Variants in ADGRL3 observed in about 807,000 individuals in gnomAD.
The protein encoded by ADGRL3 is adhesion G protein-coupled receptor L3, also known as calcium-independent alpha-latrotoxin receptor 3.
Under a neutral mutation model 153.5 loss-of-function variants are expected in ADGRL3, and 62 were observed. The observed-to-expected ratio is 0.40, with a 90% CI of 0.33 to 0.50. The LOEUF (loss-of-function observed/expected upper bound fraction) is 0.50. Among genes scored for constraint, ADGRL3 ranks in the 20% least tolerant of loss-of-function variants. The probability of loss-of-function intolerance (pLI) is 0.47; values close to 1 mark genes in which losing one functional copy is unlikely to be tolerated. For synonymous variants in ADGRL3, 710 were observed against 672.5 expected, an observed-to-expected ratio of 1.06 and a Z score of -0.86; for missense variants, 1,641 against 1,859.4, an observed-to-expected ratio of 0.88 and a Z score of 2.16.
chr4:61,315,120 G>C (rs1377283221), intron 1 of ADGRL3, among the ~76,000 whole-genome samples: 2 of 152,170 alleles, frequency 1.3e-5, no homozygotes, highest in African/African-American at 4.8e-5. Context: ...AGTGAAATTT[G>C]TAATCACAGT....
chr4:61,335,207 G>T (rs2095651506), intron 1 of ADGRL3, among the ~76,000 whole-genome samples: 1 of 152,068 alleles, frequency 6.6e-6, no homozygotes, highest in African/African-American at 2.4e-5. Flanking sequence ...TCTTTAAGAA[G>T]AATTCATTTC....
At chr4:62,047,653 T>C (rs1437159188) in intron 25 of ADGRL3, among the ~76,000 whole-genome samples, 2 of 152,166 alleles carry the variant, frequency 1.3e-5, no homozygotes, top group Non-Finnish European at 2.9e-5. Context: ...TTCCTTTATA[T>C]TCTCTTTGGA....
chr4:61,201,481 G>A lies in ADGRL3; in HGVS notation c.-524G>A, dbSNP rs1393052237. On this transcript the variant is annotated 5_prime_UTR_variant, in exon 1 of 27. Transcript: ENST00000683033. ...GTGTGAAGCGAGGAACGTAAAGGAA[G>A]GCGAACATTTGGCTCTCTTTTTCCT... 1 of 152,276 alleles carries A rather than the reference G, an allele frequency of 6.6e-6. No individual in the cohort carries two copies. Among genetic ancestry groups the A allele is most frequent in the Non-Finnish European group, 1.5e-5 (1 of 68,096 alleles). The allele number at this position is 152,276 out of a possible 1,614,324, so 9.4% of individuals were successfully genotyped here.
chr4:61,910,955 AATTATT>A (rs200804605), intron 12 of ADGRL3, among the ~76,000 whole-genome samples: 4 of 151,516 alleles, frequency 2.6e-5, no homozygotes, highest in African/African-American at 4.8e-5. Context: ...ATTAGATATA[AATTATT>A]ATTATTATTA....
At chr4:61,431,965 T>G (rs192583591) in intron 2 of ADGRL3, among the ~76,000 whole-genome samples, 3 of 152,296 alleles carry the variant, frequency 2.0e-5, no homozygotes, top group Admixed American at 2.0e-4. Flanking sequence ...CAATATATAT[T>G]GTGTTCAGCA....
chr4:61,360,098 G>T (rs1460315993), intron 1 of ADGRL3, among the ~76,000 whole-genome samples: 1 of 152,060 alleles, frequency 6.6e-6, no homozygotes, highest in South Asian at 2.1e-4. Flanking sequence ...CAGAGTGAGG[G>T]TATTTCTTTC....
chr4:61,531,097 A>G (rs1411002297), intron 4 of ADGRL3, among the ~76,000 whole-genome samples: 1 of 152,204 alleles, frequency 6.6e-6, no homozygotes, highest in Non-Finnish European at 1.5e-5. Context: ...CCACCTATGA[A>G]AGAATGAAGT....
At chr4:62,031,754 C>G (rs1410517227) in intron 23 of ADGRL3, 144 bp downstream of exon 23, 5 of 567,648 alleles carry the variant, frequency 8.8e-6, no homozygotes, top group Non-Finnish European at 1.5e-5. Context: ...TAAAGCAAAA[C>G]AAACACAAAA....
At chr4:61,376,481 G>A (rs192537462) in intron 1 of ADGRL3, among the ~76,000 whole-genome samples, 5 of 151,940 alleles carry the variant, frequency 3.3e-5, no homozygotes, top group Admixed American at 1.3e-4. Context: ...CTTCCTGGAC[G>A]CCCACCAAGT....
rs374649604 is a variant in ADGRL3 at position 62,044,780 on chromosome 4, T to C, written c.3814+231T>C. ...AAGGAAATTAGAAAATAAAAAACTT[T>C]TTTTCCTAGTCATCTGCTGCTGCTA... On this transcript the variant is annotated intron_variant, in intron 25 of 26. Coordinates refer to ENST00000683033, the MANE Select transcript of ADGRL3 (RefSeq NM_001387552.1). 2.3e-4 allele frequency among the ~76,000 whole-genome samples: 35 copies of C among 152,200 alleles called. No individual in the cohort carries two copies. In the East Asian group the frequency reaches 5.4e-3, roughly 24 times the overall value.
intron 2 of ADGRL3, among the ~76,000 whole-genome samples, chr4:61,440,383 G>A (rs1011276831): frequency 9.2e-5 from 14 of 152,204 alleles, no homozygotes; most frequent in African/African-American, 2.6e-4. Flanking sequence ...TGGTTCTTGC[G>A]TTTTGACTAT....
intron 6 of ADGRL3, among the ~76,000 whole-genome samples, chr4:61,705,997 A>C (rs550576632): frequency 1.3e-5 from 2 of 152,308 alleles, no homozygotes; most frequent in East Asian, 3.9e-4. Flanking sequence ...ATGGTAAATA[A>C]GCATTGGCTT....
At chr4:61,356,087 GACT>G (rs1487442451) in intron 1 of ADGRL3, among the ~76,000 whole-genome samples, 1 of 151,976 alleles carries the variant, frequency 6.6e-6, no homozygotes, top group African/African-American at 2.4e-5. Context: ...ATACAAATTT[GACT>G]ACACCTTCGT....
chr4:61,800,089 T>C (rs1202239084), intron 8 of ADGRL3, among the ~76,000 whole-genome samples: 1 of 152,186 alleles, frequency 6.6e-6, no homozygotes, highest in Admixed American at 6.5e-5. Flanking sequence ...CTGGGACATG[T>C]GACTTTGATT....
intron 4 of ADGRL3, among the ~76,000 whole-genome samples, chr4:61,576,280 G>C (rs1188386186): frequency 6.6e-6 from 1 of 151,880 alleles, no homozygotes; most frequent in Non-Finnish European, 1.5e-5. Context: ...GTCTTCACTA[G>C]TGTCCAGCAT....
chr4:62,012,192 G>T (rs929754367), intron 21 of ADGRL3, among the ~76,000 whole-genome samples: 12 of 152,096 alleles, frequency 7.9e-5, no homozygotes, highest in African/African-American at 2.7e-4. Flanking sequence ...AGGCATTGAA[G>T]TTAAACATTC....
chr4:61,401,115 T>C (rs1228138665), intron 2 of ADGRL3, among the ~76,000 whole-genome samples: 2 of 151,744 alleles, frequency 1.3e-5, no homozygotes, highest in Non-Finnish European at 2.9e-5. Flanking sequence ...GATAGAATTA[T>C]AGTCCTGGAA....
chr4:61,868,765 A>C (rs922171447), intron 9 of ADGRL3, among the ~76,000 whole-genome samples: 4 of 152,148 alleles, frequency 2.6e-5, no homozygotes, highest in African/African-American at 7.2e-5. Flanking sequence ...AGGCATTTCC[A>C]GCTGCTGAAA....
intron 4 of ADGRL3, among the ~76,000 whole-genome samples, chr4:61,535,303 A>G (rs1232565031): frequency 6.6e-6 from 1 of 151,826 alleles, no homozygotes; most frequent in Non-Finnish European, 1.5e-5. Context: ...TTTGATCGTG[A>G]TGGATTATTT....
Sources: gnomAD v4.1 joint callset for allele counts (sites outside exome capture counted in the v4.1 genomes callset) on GRCh38, gnomAD v4.1.1 for gene constraint, MANE v1.5 for transcripts, NCBI Gene and HGNC (gene_info 2026-07-23, HGNC 2026-07-21) for gene names.